RPRD2: variants seen among roughly 807,000 people sequenced by gnomAD.
The protein encoded by RPRD2 is regulation of nuclear pre-mRNA domain-containing protein 2.
In RPRD2, 12 loss-of-function variants were observed where a neutral mutation model predicts 104.4. That is an observed-to-expected ratio of 0.11 (90% confidence interval 0.07 to 0.19). The LOEUF (loss-of-function observed/expected upper bound fraction) is 0.19. RPRD2 is among the 10% of genes least tolerant of loss of function. The probability of loss-of-function intolerance (pLI) is 1.00; values close to 1 mark genes in which losing one functional copy is unlikely to be tolerated. For missense variants in RPRD2, 1,543 were observed against 1,790.1 expected, an observed-to-expected ratio of 0.86 and a Z score of 2.49; for synonymous variants, 714 against 684.9, an observed-to-expected ratio of 1.04 and a Z score of -0.66.
intron 2 of RPRD2, among the ~76,000 whole-genome samples, chr1:150,429,308 T>G (rs983136003): frequency 6.6e-6 from 1 of 152,084 alleles, no homozygotes; most frequent in Non-Finnish European, 1.5e-5. Context: ...GTCAGGCTGG[T>G]CTCGAACTCC....
At chr1:150,384,254 C>T (rs1476950589) in intron 1 of RPRD2, among the ~76,000 whole-genome samples, 1 of 151,610 alleles carries the variant, frequency 6.6e-6, no homozygotes, top group Admixed American at 6.6e-5. Flanking sequence ...GCAGGGAGTA[C>T]CAATTTATAT....
intron 9 of RPRD2, among the ~76,000 whole-genome samples, chr1:150,461,849 G>A (rs782635547): frequency 1.5e-4 from 23 of 151,690 alleles, no homozygotes; most frequent in Non-Finnish European, 2.9e-4. Context: ...GCATGGTGGC[G>A]GGCGCCTGTA....
chr1:150,390,229 C>G (rs1207469613), intron 1 of RPRD2, among the ~76,000 whole-genome samples: 1 of 152,186 alleles, frequency 6.6e-6, no homozygotes, highest in African/African-American at 2.4e-5. Context: ...CACAGTGGCT[C>G]ACGCCTGTAA....
At chr1:150,424,088 G>A (rs895579233) in intron 2 of RPRD2, among the ~76,000 whole-genome samples, 11 of 151,960 alleles carry the variant, frequency 7.2e-5, no homozygotes, top group Non-Finnish European at 1.3e-4. Context: ...CACAGCACCC[G>A]GCCAGTTGAG....
At chr1:150,432,628 TAAAAAAAAAAAAGCC>T (rs1665685412) in intron 2 of RPRD2, among the ~76,000 whole-genome samples, 1 of 113,450 alleles carries the variant, frequency 8.8e-6, no homozygotes, top group African/African-American at 3.6e-5. Flanking sequence ...AAGAAAATGA[TAAAAAAAAAAAAGCC>T]AAAAAAAAAA....
At chr1:150,417,376 C>G (rs940792522) in intron 1 of RPRD2, among the ~76,000 whole-genome samples, 1 of 151,958 alleles carries the variant, frequency 6.6e-6, no homozygotes, top group African/African-American at 2.4e-5. Context: ...GTTCATTTGT[C>G]AGTTTATCCA....
At position 150,364,496 on chromosome 1, in the gene RPRD2, G is replaced by A. The variant is rs1233149802; in HGVS notation, c.-219G>A. 6.6e-6 allele frequency among the ~76,000 whole-genome samples: 1 copy of A among 151,676 alleles called. No homozygotes were observed. The highest frequency in any genetic ancestry group is 2.4e-5 in the African/African-American group (1 of 41,234). On this transcript the variant is annotated 5_prime_UTR_variant, in exon 1 of 11. Coordinates refer to ENST00000369068, the MANE Select transcript of RPRD2 (RefSeq NM_015203.5). Reference sequence around the variant, plus strand: ...AATATTGATAAAACCTCCGAGACCCGCAGCCCCTCCTTGCAGCGTGTAGGA... The same window carrying A: ...AATATTGATAAAACCTCCGAGACCCACAGCCCCTCCTTGCAGCGTGTAGGA...
chr1:150,370,285 A>G (rs1660202380), intron 1 of RPRD2, among the ~76,000 whole-genome samples: 1 of 152,168 alleles, frequency 6.6e-6, no homozygotes, highest in Non-Finnish European at 1.5e-5. Context: ...TTAACATGTT[A>G]ACTCCGGTCA....
rs190687782 is a variant in RPRD2 at position 150,407,946 on chromosome 1, T to C, written c.206-9650T>C. On this transcript the variant is annotated intron_variant, in intron 1 of 10. Transcript: ENST00000369068. ...TGTGTGGAGACAGGACCTTGCCCTG[T>C]CATTCACCCTGGAGTATAGTAGCAC... Among the ~76,000 whole-genome samples the C allele has an allele frequency of 2.5e-4, 38 of 152,054 alleles. No individual in the cohort carries two copies. The East Asian group carries it at 5.6e-3, about 22-fold the overall frequency.
chr1:150,433,716 T>C (rs1572466873), intron 2 of RPRD2, among the ~76,000 whole-genome samples: 3 of 135,322 alleles, frequency 2.2e-5, no homozygotes, highest in Non-Finnish European at 4.7e-5. Context: ...AGTGCTGGGA[T>C]TACCATAGTT....
chr1:150,370,737 C>T (rs1660239152), intron 1 of RPRD2, among the ~76,000 whole-genome samples: 1 of 151,902 alleles, frequency 6.6e-6, no homozygotes, highest in Non-Finnish European at 1.5e-5. Flanking sequence ...CCACACCCAG[C>T]TAATTTTTTG....
In RPRD2 at chr1:150,471,335, G is replaced by GCC; in HGVS notation, c.2387_2388insCC (p.Glu797LeufsTer18). ...ACATATCGACCCTTTGGTCTGGGCAGTGAATCTCCCTATAAGCAGCCTTCT... is the reference window on the plus strand; with the variant it reads ...ACATATCGACCCTTTGGTCTGGGCAGCCTGAATCTCCCTATAAGCAGCCTTCT... On this transcript the variant is annotated frameshift_variant, in exon 11 of 11. Coordinates refer to ENST00000369068, the MANE Select transcript of RPRD2 (RefSeq NM_015203.5). LOFTEE classifies it high-confidence loss of function. This position sits in a 1 kb window ranked among gnomAD's most constrained non-coding sequence, Gnocchi z 5.3. 1 of 1,613,744 alleles carries GCC rather than the reference G, an allele frequency of 6.2e-7. No homozygotes were observed. Among genetic ancestry groups the GCC allele is most frequent in the African/African-American group, 1.3e-5 (1 of 74,946 alleles).
intron 7 of RPRD2, among the ~76,000 whole-genome samples, chr1:150,455,480 C>T (rs6686690): frequency 0.22 from 33,452 of 150,838 alleles, 4,162 homozygotes; most frequent in African/African-American, 0.32. Flanking sequence ...CCAGCCTGGG[C>T]GACACAGCGA....
At chr1:150,427,998 A>T (rs1332903843) in intron 2 of RPRD2, among the ~76,000 whole-genome samples, 1 of 152,148 alleles carries the variant, frequency 6.6e-6, no homozygotes, top group Non-Finnish European at 1.5e-5. Context: ...AAGACACAAA[A>T]AACTAATAAA....
At chr1:150,449,571 C>CTCTCCCTCCTTCCTTCTT (rs1667017853) in intron 7 of RPRD2, among the ~76,000 whole-genome samples, 3 of 151,870 alleles carry the variant, frequency 2.0e-5, no homozygotes, top group Admixed American at 1.3e-4. Context: ...CCCTCCTTTC[C>CTCTCCCTCCTTCCTTCTT]TCTCCCTCCT....
At chr1:150,388,392 A>G (rs1572374653) in intron 1 of RPRD2, among the ~76,000 whole-genome samples, 1 of 151,164 alleles carries the variant, frequency 6.6e-6, no homozygotes, top group Non-Finnish European at 1.5e-5. Context: ...ACGTATACAC[A>G]TGTATATACG....
At chr1:150,438,331 G>C (rs1320303902) in intron 2 of RPRD2, among the ~76,000 whole-genome samples, 1 of 145,528 alleles carries the variant, frequency 6.9e-6, no homozygotes, top group Non-Finnish European at 1.5e-5. Flanking sequence ...TTAACATCAA[G>C]AATATGTTCT....
intron 1 of RPRD2, 38 bp from the exon 2 acceptor site, chr1:150,417,558 C>A: frequency 6.9e-7 from 1 of 1,448,658 alleles, no homozygotes; most frequent in Non-Finnish European, 9.2e-7. Flanking sequence ...TGCAAATTGA[C>A]TCATTTGGTT....
chr1:150,447,015 T>C (rs2102373789), intron 7 of RPRD2, among the ~76,000 whole-genome samples: 1 of 152,100 alleles, frequency 6.6e-6, no homozygotes, highest in Non-Finnish European at 1.5e-5. Context: ...TTTGTATTTT[T>C]AGTAGAGACG....
Sources: allele counts gnomAD v4.1 joint callset (sites outside exome capture counted in the v4.1 genomes callset), GRCh38; gene constraint gnomAD v4.1.1; non-coding constraint Gnocchi (gnomAD v3.1); transcripts MANE v1.5; gene names NCBI Gene and HGNC (gene_info 2026-07-23, HGNC 2026-07-21).